The following GPC5 variants were observed in gnomAD, a reference collection of about 807,000 sequenced individuals.
GPC5 encodes the protein glypican 5, also known as glypican-5.
In GPC5, 47 loss-of-function variants were observed where a neutral mutation model predicts 53.9. The observed-to-expected ratio is 0.87, with a 90% confidence interval of 0.69 to 1.11. The LOEUF is 1.11. Among genes scored for constraint, GPC5 ranks in the 50% most tolerant of loss-of-function variants. The probability of loss-of-function intolerance (pLI) is 0.00; values close to 1 mark genes in which losing one functional copy is unlikely to be tolerated. For synonymous variants in GPC5, 286 were observed against 263.3 expected, an observed-to-expected ratio of 1.09 and a Z score of -0.84; for missense variants, 748 against 713.1, an observed-to-expected ratio of 1.05 and a Z score of -0.56.
intron 7 of GPC5, among the ~76,000 whole-genome samples, chr13:92,525,029 C>A (rs1037356558): frequency 7.9e-5 from 12 of 151,988 alleles, no homozygotes; most frequent in African/African-American, 2.9e-4. Flanking sequence ...AAAACAAGTT[C>A]ATGCATTGAA....
chr13:92,674,211 C>CGTTCCT (rs1886853050), intron 7 of GPC5, among the ~76,000 whole-genome samples: 1 of 152,104 alleles, frequency 6.6e-6, no homozygotes. Flanking sequence ...AGCTTTGACA[C>CGTTCCT]GTTCCTCTCA....
chr13:91,774,209 T>A (rs2037671929), intron 5 of GPC5, among the ~76,000 whole-genome samples: 1 of 152,184 alleles, frequency 6.6e-6, no homozygotes, highest in Admixed American at 6.5e-5. Flanking sequence ...ACTAAAAAAA[T>A]GTGAATATCA....
intron 5 of GPC5, among the ~76,000 whole-genome samples, chr13:91,815,515 G>A (rs536616085): frequency 5.5e-4 from 84 of 152,162 alleles, no homozygotes; most frequent in Non-Finnish European, 8.7e-4. Flanking sequence ...TGATATAGAC[G>A]CTGTGATAGT....
At chr13:91,675,500 A>G (rs952382922) in intron 2 of GPC5, among the ~76,000 whole-genome samples, 1 of 152,222 alleles carries the variant, frequency 6.6e-6, no homozygotes, top group African/African-American at 2.4e-5. Context: ...TGAGTAAGGT[A>G]TGATCTTTGA....
chr13:92,507,410 G>A (rs2138945593), intron 7 of GPC5, among the ~76,000 whole-genome samples: 1 of 152,284 alleles, frequency 6.6e-6, no homozygotes, highest in Non-Finnish European at 1.5e-5. Context: ...TTTGGCTTCA[G>A]TCCTTTCATT....
chr13:91,480,488 A>C (rs1883241564), intron 2 of GPC5, among the ~76,000 whole-genome samples: 1 of 152,214 alleles, frequency 6.6e-6, no homozygotes. Flanking sequence ...ATCCACTGCC[A>C]AATCCAGCGT....
chr13:91,675,963 C>T (rs1195972233), intron 2 of GPC5, among the ~76,000 whole-genome samples: 1 of 152,166 alleles, frequency 6.6e-6, no homozygotes, highest in Admixed American at 6.5e-5. Flanking sequence ...CTAATATGTA[C>T]TAAAAATGCA....
At chr13:91,667,778 C>T (rs1342586416) in intron 2 of GPC5, among the ~76,000 whole-genome samples, 1 of 152,130 alleles carries the variant, frequency 6.6e-6, no homozygotes, top group East Asian at 1.9e-4. Context: ...CCCAGTGATT[C>T]ATGTGGAGTT....
chr13:91,817,528 T>C (rs772314708), intron 5 of GPC5, among the ~76,000 whole-genome samples: 6 of 152,194 alleles, frequency 3.9e-5, no homozygotes, highest in Non-Finnish European at 7.4e-5. Flanking sequence ...TACTTAAGAA[T>C]CCATGATACC....
chr13:92,361,376 C>T (rs746703367), intron 7 of GPC5, among the ~76,000 whole-genome samples: 1 of 151,636 alleles, frequency 6.6e-6, no homozygotes, highest in African/African-American at 2.4e-5. Context: ...TAGCTTGTCA[C>T]TGACTTGGCC....
At chr13:91,647,463 CAGCA>C (rs1166090607) in intron 2 of GPC5, among the ~76,000 whole-genome samples, 7 of 152,218 alleles carry the variant, frequency 4.6e-5, no homozygotes, top group Non-Finnish European at 7.3e-5. Flanking sequence ...CCTCCAACTC[CAGCA>C]AGCTGACCTG....
chr13:91,489,468 G>A (rs1031004728), intron 2 of GPC5, among the ~76,000 whole-genome samples: 3 of 152,138 alleles, frequency 2.0e-5, no homozygotes, highest in African/African-American at 7.2e-5. Flanking sequence ...AAGAAAGATA[G>A]AAATAAGTAG....
rs142079836 is a variant in GPC5, at chr13:92,243,375, T to C, written c.1561+98386T>C. ...TAAGTAATTTGTAGAAAATTTTCTG[T>C]TTTCAAGAAGTAGATTAAAGAGAAG... On this transcript the variant is annotated intron_variant, in intron 7 of 7. Transcript: ENST00000377067. Among the ~76,000 whole-genome samples, 320 of 152,204 alleles carry C rather than the reference T, an allele frequency of 2.1e-3. 1 individual carries two copies. The highest frequency in any genetic ancestry group is 7.5e-3 in the African/African-American group (310 of 41,538).
chr13:92,414,682 T>C (rs1200408813), intron 7 of GPC5, among the ~76,000 whole-genome samples: 1 of 152,200 alleles, frequency 6.6e-6, no homozygotes, highest in Non-Finnish European at 1.5e-5. Flanking sequence ...CAAACTACCT[T>C]AGACTGAGCA....
At chr13:92,786,289 G>A (rs746755934) in intron 7 of GPC5, among the ~76,000 whole-genome samples, 7 of 152,188 alleles carry the variant, frequency 4.6e-5, no homozygotes, top group Admixed American at 3.9e-4. Context: ...GCGGTTTTGC[G>A]AAGTTCTTAC....
chr13:92,234,280 G>T (rs532933216), intron 7 of GPC5, among the ~76,000 whole-genome samples: 76 of 152,304 alleles, frequency 5.0e-4, no homozygotes, highest in Non-Finnish European at 9.8e-4. Context: ...CACCAACAGT[G>T]TAAAAGTGTT....
rs1854739 is a variant in GPC5 at position 91,885,416 on chromosome 13, G to C, written c.1281-22521G>C. Among the ~76,000 whole-genome samples, 1,018 of 152,248 alleles carry C rather than the reference G, an allele frequency of 6.7e-3. 7 individuals carry two copies. The highest frequency in any genetic ancestry group is 0.011 in the Non-Finnish European group (762 of 68,012). On this transcript the variant is annotated intron_variant, in intron 5 of 7. Coordinates refer to ENST00000377067, the MANE Select transcript of GPC5 (RefSeq NM_004466.6). Reference sequence around the variant, plus strand: ...TGGCTAGTTGCTATTTAAATATGGAGTACCTTTCCTTGTTTCTTCCCCCTC... The same window carrying C: ...TGGCTAGTTGCTATTTAAATATGGACTACCTTTCCTTGTTTCTTCCCCCTC...
chr13:91,720,844 T>A (rs1455440179), intron 3 of GPC5, among the ~76,000 whole-genome samples: 2 of 152,178 alleles, frequency 1.3e-5, no homozygotes, highest in Non-Finnish European at 2.9e-5. Flanking sequence ...TTTCACTTGC[T>A]ATGTTTAATC....
intron 1 of GPC5, among the ~76,000 whole-genome samples, chr13:91,415,460 A>C (rs1878138437): frequency 6.6e-6 from 1 of 152,104 alleles, no homozygotes; most frequent in South Asian, 2.1e-4. Flanking sequence ...AACTTTCCCC[A>C]GTCCACAGCC....
Sources: allele counts gnomAD v4.1 joint callset (sites outside exome capture counted in the v4.1 genomes callset), GRCh38; gene constraint gnomAD v4.1.1; transcripts MANE v1.5; gene names NCBI Gene and HGNC (gene_info 2026-07-23, HGNC 2026-07-21).